Variants in GLIS3 observed in about 807,000 individuals in gnomAD.
The protein encoded by GLIS3 is zinc finger protein GLIS3.
GLIS3 carries 53 observed loss-of-function variants against 78.6 expected under a neutral mutation model. The observed-to-expected ratio is 0.67, with a 90% CI of 0.54 to 0.85. The LOEUF is 0.85. Ranked by LOEUF, GLIS3 falls within the 40% of genes least tolerant of loss-of-function variation. The pLI, the probability that GLIS3 is intolerant of heterozygous loss-of-function variation, is 0.00. For synonymous variants in GLIS3, 684 were observed against 509.9 expected (o/e 1.34, Z -4.60); for missense variants, 1,703 against 1,231.1 (o/e 1.38, Z -5.74).
At chr9:4,054,674 T>TTTA (rs1417293042) in intron 4 of GLIS3, among the ~76,000 whole-genome samples, 6 of 151,034 alleles carry the variant, frequency 4.0e-5, no homozygotes, top group Admixed American at 6.6e-5. Context: ...GTGCTGTTTC[T>TTTA]CAACAAAAAA....
intron 2 of GLIS3, among the ~76,000 whole-genome samples, chr9:4,244,975 A>C (rs1823664432): frequency 1.3e-5 from 2 of 152,334 alleles, no homozygotes; most frequent in Non-Finnish European, 1.5e-5. Flanking sequence ...TAAATTATAG[A>C]AGAGTTATCC....
intron 4 of GLIS3, among the ~76,000 whole-genome samples, chr9:4,105,385 C>G (rs959240769): frequency 2.0e-5 from 3 of 152,198 alleles, no homozygotes; most frequent in African/African-American, 4.8e-5. Context: ...TGTCAAGACA[C>G]TTGGCAGCAT....
intron 4 of GLIS3, among the ~76,000 whole-genome samples, chr9:4,008,153 A>G (rs1221165464): frequency 6.6e-6 from 1 of 152,208 alleles, no homozygotes; most frequent in Admixed American, 6.5e-5. Flanking sequence ...AGTGGCTGAG[A>G]GTGGGCTTGG....
intron 6 of GLIS3, among the ~76,000 whole-genome samples, chr9:3,905,073 T>C (rs534584719): frequency 3.3e-4 from 50 of 150,894 alleles, no homozygotes; most frequent in Middle Eastern, 6.9e-3. Context: ...CCCAGGTTCA[T>C]GCCATTCTCC....
chr9:3,839,479 T>C (rs1282583914), intron 9 of GLIS3, among the ~76,000 whole-genome samples: 1 of 152,076 alleles, frequency 6.6e-6, no homozygotes, highest in Non-Finnish European at 1.5e-5. Context: ...AAGGAACTAA[T>C]AGTTATTTAC....
intron 4 of GLIS3, among the ~76,000 whole-genome samples, chr9:4,086,926 AC>A (rs570605223): frequency 1.3e-5 from 2 of 152,334 alleles, no homozygotes; most frequent in Admixed American, 1.3e-4. Flanking sequence ...CATGTCCTCC[AC>A]ATTGGACCTT....
chr9:4,399,230 ACT>A, the GLIS3 span, among the ~76,000 whole-genome samples: 1 of 152,162 alleles, frequency 6.6e-6, no homozygotes, highest in African/African-American at 2.4e-5. Context: ...TGATCTGATC[ACT>A]CTACATTATA....
Position 4,117,128 on chromosome 9 carries a change from A to G in GLIS3, c.1710+640T>C, listed in dbSNP as rs770760986. The stretch of plus-strand genomic sequence containing the variant: ...AAAGGCTTCCCTGCTCTTTCTCCTC[A>G]TATCTCTCTACAAAATTACCTCTTA... On this transcript the variant is annotated intron_variant, in intron 4 of 10. Coordinates refer to ENST00000381971, the MANE Select transcript of GLIS3 (RefSeq NM_001042413.2). Among the ~76,000 whole-genome samples, 5 of 152,206 alleles carry G rather than the reference A, an allele frequency of 3.3e-5. No homozygotes were observed. In the South Asian group the frequency reaches 8.3e-4, roughly 25 times the overall value.
intron 5 of GLIS3, among the ~76,000 whole-genome samples, chr9:3,936,798 C>A (rs529885722): frequency 6.6e-6 from 1 of 152,292 alleles, no homozygotes; most frequent in Admixed American, 6.5e-5. Flanking sequence ...CCAAGTAACC[C>A]TTCTGTCCCA....
At chr9:3,869,657 G>A (rs1433074831) in intron 8 of GLIS3, among the ~76,000 whole-genome samples, 1 of 152,200 alleles carries the variant, frequency 6.6e-6, no homozygotes, top group African/African-American at 2.4e-5. Flanking sequence ...GAAAGACACT[G>A]GGACCTGCCA....
chr9:4,205,943 C>CT (rs1333780116), intron 2 of GLIS3, among the ~76,000 whole-genome samples: 3 of 151,234 alleles, frequency 2.0e-5, no homozygotes, highest in Non-Finnish European at 4.4e-5. Flanking sequence ...AACAGGATTT[C>CT]TTTTTTTTTA....
chr9:4,403,819 A>C, the GLIS3 span, among the ~76,000 whole-genome samples: 1 of 152,146 alleles, frequency 6.6e-6, no homozygotes, highest in East Asian at 1.9e-4. Flanking sequence ...GGAAGAGAAC[A>C]ATGCAAAACA....
At chr9:3,975,637 T>C (rs536197055) in intron 4 of GLIS3, among the ~76,000 whole-genome samples, 1 of 151,814 alleles carries the variant, frequency 6.6e-6, no homozygotes, top group South Asian at 2.1e-4. Context: ...AAGTCTAAAA[T>C]AGACTAGAAA....
chr9:4,290,150 C>T (rs1339840288), intron 1 of GLIS3, among the ~76,000 whole-genome samples: 2 of 152,074 alleles, frequency 1.3e-5, no homozygotes, highest in Non-Finnish European at 2.9e-5. Context: ...CATTAACAGA[C>T]CCATCTAGAG....
At chr9:3,919,887 C>T (rs1026420409) in intron 6 of GLIS3, among the ~76,000 whole-genome samples, 1 of 151,854 alleles carries the variant, frequency 6.6e-6, no homozygotes, top group Non-Finnish European at 1.5e-5. Flanking sequence ...ATGAAAATAC[C>T]CAGCAAACGG....
chr9:3,911,246 G>T (rs530608548), intron 6 of GLIS3, among the ~76,000 whole-genome samples: 1 of 152,250 alleles, frequency 6.6e-6, no homozygotes, highest in Admixed American at 6.5e-5. Flanking sequence ...TGCTCTCACA[G>T]AGTTTACAGT....
chr9:4,212,008 G>A (rs895854224), intron 2 of GLIS3, among the ~76,000 whole-genome samples: 1 of 152,200 alleles, frequency 6.6e-6, no homozygotes, highest in Non-Finnish European at 1.5e-5. Context: ...TGGTTGCCTG[G>A]GGCTGGGAGT....
the GLIS3 span, among the ~76,000 whole-genome samples, chr9:4,408,649 C>T: frequency 1.4e-5 from 2 of 143,580 alleles, no homozygotes; most frequent in Admixed American, 1.4e-4. Context: ...ATGGCGTGAA[C>T]CCGGGAGGCG....
intron 7 of GLIS3, among the ~76,000 whole-genome samples, chr9:3,890,147 T>A (rs1822336294): frequency 6.6e-6 from 1 of 152,176 alleles, no homozygotes; most frequent in South Asian, 2.1e-4. Flanking sequence ...ATCAATCCCA[T>A]TTCTCCTTTC....
Sources: allele counts gnomAD v4.1 joint callset (sites outside exome capture counted in the v4.1 genomes callset), GRCh38; gene constraint gnomAD v4.1.1; transcripts MANE v1.5; gene names NCBI Gene and HGNC (gene_info 2026-07-23, HGNC 2026-07-21).